The following TMC3 variants were observed in gnomAD, a reference collection of about 807,000 sequenced individuals.
The protein encoded by TMC3 is transmembrane channel-like protein 3.
In TMC3, 98 loss-of-function variants were observed where a neutral mutation model predicts 110.6. The ratio of observed to expected loss-of-function variants is 0.89; its 90% CI spans 0.75 to 1.05. TMC3 has a LOEUF of 1.05. Among genes scored for constraint, TMC3 ranks in the 50% least tolerant of loss-of-function variants. The pLI is 0.00. For synonymous variants in TMC3, 489 were observed against 513.1 expected, an observed-to-expected ratio of 0.95 and a Z score of 0.63; for missense variants, 1,319 against 1,373.2, an observed-to-expected ratio of 0.96 and a Z score of 0.62.
chr15:81,372,870 CGTGT>C lies in TMC3; in HGVS notation c.90-137_90-134del, dbSNP rs58420711. On this transcript the variant is annotated intron_variant, in intron 1 of 21. Coordinates refer to ENST00000359440, the MANE Select transcript of TMC3 (RefSeq NM_001080532.3). ...TGTATGAAATGTGTATGTGTTTGTG[CGTGT>C]GTGTGTGTGTGTGTGTGTGTGTGTA... 8.0e-3 allele frequency: 4,418 copies of C among 553,730 alleles called. 18 individuals carry two copies. The highest frequency in any genetic ancestry group is 0.022 in the African/African-American group (1,194 of 53,326). 34.3% of individuals were successfully genotyped at this position (553,730 alleles called of 1,614,324 possible).
Position 81,367,343 on chromosome 15 carries a change from G to A in TMC3, c.312+910C>T, listed in dbSNP as rs535063416. Among the ~76,000 whole-genome samples, 204 of 152,182 alleles carry A rather than the reference G, an allele frequency of 1.3e-3. 1 individual carries two copies. The highest frequency in any genetic ancestry group is 4.6e-3 in the African/African-American group (192 of 41,552). ...GTGAAAAAAGAGGCAAGACAAAAAT[G>A]TATATACACTACAGTTATGGTATGA... On this transcript the variant is annotated intron_variant, in intron 3 of 21. Transcript: ENST00000359440.
chr15:81,364,700 CAAAAA>C (rs71153571), intron 3 of TMC3, among the ~76,000 whole-genome samples: 1 of 110,328 alleles, frequency 9.1e-6, no homozygotes, highest in African/African-American at 3.0e-5. Flanking sequence ...AACATTATTC[CAAAAA>C]AAAAAAAATA....
chr15:81,374,190 T>A lies in TMC3; in HGVS notation c.-113A>T. ...AAGCAGCGGAGTTTGCTCTGCCCGCTAGTTCTCAGGAAGAAGACTGTGTGC... is the reference window on the plus strand; with the variant it reads ...AAGCAGCGGAGTTTGCTCTGCCCGCAAGTTCTCAGGAAGAAGACTGTGTGC... On this transcript the variant is annotated 5_prime_UTR_variant, in exon 1 of 22. Transcript: ENST00000359440. 2.4e-6 allele frequency: 2 copies of A among 823,266 alleles called. No individual in the cohort carries two copies. Among genetic ancestry groups the A allele is most frequent in the South Asian group, 3.0e-5 (2 of 67,158 alleles). 51.0% of individuals were successfully genotyped at this position (823,266 alleles called of 1,614,324 possible).
chr15:81,359,602 C>G (rs1473675035), intron 4 of TMC3, 131 bp from the exon 5 acceptor site: 2 of 609,866 alleles, frequency 3.3e-6, no homozygotes, highest in Admixed American at 3.5e-5. Flanking sequence ...TTGTACCAAT[C>G]GAGGTGTTCC....
intron 3 of TMC3, among the ~76,000 whole-genome samples, chr15:81,367,393 G>A (rs1291175997): frequency 2.6e-5 from 4 of 152,170 alleles, no homozygotes; most frequent in Non-Finnish European, 4.4e-5. Context: ...TGACTGATGT[G>A]AAATTTCTAA....
intron 7 of TMC3, among the ~76,000 whole-genome samples, 163 bp downstream of exon 7, chr15:81,357,986 T>G (rs1405724799): frequency 1.3e-5 from 2 of 152,180 alleles, no homozygotes; most frequent in African/African-American, 4.8e-5. Flanking sequence ...TACAGGGCTA[T>G]TGACAAGATT....
chr15:81,345,001 G>C lies in TMC3; in HGVS notation c.1283C>G (p.Thr428Ser). The change falls in exon 13 of 22, where the codon ACC becomes AGC. Residue 428 changes from threonine to serine, a missense_variant. Thr to Ser is a moderately conservative substitution (Grantham distance 58, BLOSUM62 1). Coordinates refer to ENST00000359440, the MANE Select transcript of TMC3 (RefSeq NM_001080532.3). The stretch of plus-strand genomic sequence containing the variant: ...TATCCAATGACTTGTGTTATTTTTG[G>C]TAGCCATTTCCTGGGGAGAGAGAGA... The part of the protein sequence containing the change: ...VNSMSIEEMA[T>S]KNNTSHWIDS... 2 of 1,575,062 alleles carry C rather than the reference G, an allele frequency of 1.3e-6. No individual in the cohort carries two copies. The highest frequency in any genetic ancestry group is 1.7e-6 in the Non-Finnish European group (2 of 1,159,676).
Position 81,339,255 on chromosome 15 carries a change from T to C in TMC3, c.1955+139A>G, listed in dbSNP as rs536022272. 5.3e-4 allele frequency: 357 copies of C among 672,660 alleles called. 2 individuals are homozygous for C. The African/African-American group carries it at 5.7e-3, about 11-fold the overall frequency. The allele number at this position is 672,660 out of a possible 1,614,324, so 41.7% of individuals were successfully genotyped here. On this transcript the variant is annotated intron_variant, in intron 17 of 21. Transcript: ENST00000359440. ...TTCTATTAAGGAAAGAGCCCTGGTCTTGGATTTAAAACATGCGGGTTTGCA... is the reference window on the plus strand; with the variant it reads ...TTCTATTAAGGAAAGAGCCCTGGTCCTGGATTTAAAACATGCGGGTTTGCA...
rs1345794628 is a variant in TMC3, at chr15:81,332,970, C to T, written c.2752G>A (p.Val918Met). 1 of 1,612,650 alleles carries T rather than the reference C, an allele frequency of 6.2e-7. No individual in the cohort carries two copies. Among genetic ancestry groups the T allele is most frequent in the Non-Finnish European group, 8.5e-7 (1 of 1,179,252 alleles). ...HFKIDASGDI[V>M]ELYPRNVRQY... The stretch of plus-strand genomic sequence containing the variant: ...CGCACGTTCCTGGGGTACAGCTCCA[C>T]AATGTCACCTGAAGCATCTATCTTG... Residue 918 changes from valine to methionine, a missense_variant, in exon 22 of 22, where the codon GTG (valine) becomes ATG (methionine). Val to Met is a conservative substitution (Grantham distance 21). Coordinates refer to ENST00000359440, the MANE Select transcript of TMC3 (RefSeq NM_001080532.3).
chr15:81,338,127 TC>T (rs2141692998), intron 18 of TMC3, among the ~76,000 whole-genome samples: 1 of 152,286 alleles, frequency 6.6e-6, no homozygotes, highest in Non-Finnish European at 1.5e-5. Flanking sequence ...TGTTTTCTCT[TC>T]CTGGCTTTCC....
chr15:81,354,017 TAGTG>T (rs1894006552), intron 9 of TMC3, among the ~76,000 whole-genome samples: 1 of 152,212 alleles, frequency 6.6e-6, no homozygotes, highest in African/African-American at 2.4e-5. Flanking sequence ...ATGCCTCTGA[TAGTG>T]AGGGCAGGTG....
chr15:81,368,657 G>A (rs1369289642), intron 2 of TMC3, among the ~76,000 whole-genome samples: 1 of 152,148 alleles, frequency 6.6e-6, no homozygotes. Context: ...AAATCCTGGT[G>A]GCAGACACGT....
In TMC3 at chr15:81,355,738, T is replaced by G. The variant is rs774984574; in HGVS notation, c.922A>C (p.Lys308Gln). The change falls in exon 9 of 22, where the codon AAA becomes CAA. Residue 308 changes from lysine (K) to glutamine (Q), a missense_variant. Transcript: ENST00000359440. ...EAILEEQEKK[K>Q]SKNLAVTICL... is the part of the protein sequence containing the mutation. ...AATAATACCTACAGGTTTTTGCTTT[T>G]CTTTTTCTCCTGTTCTTCCAATATA... 3.8e-6 allele frequency: 6 copies of G among 1,598,640 alleles called. No homozygotes were observed. Among genetic ancestry groups the G allele is most frequent in the Middle Eastern group, 3.3e-4 (2 of 5,998 alleles).
intron 10 of TMC3, among the ~76,000 whole-genome samples, chr15:81,350,376 T>C (rs1893921893): frequency 6.6e-6 from 1 of 152,220 alleles, no homozygotes; most frequent in Non-Finnish European, 1.5e-5. Flanking sequence ...TGAGAGGTAA[T>C]GTAATATTCT....
At chr15:81,349,410 G>T in intron 11 of TMC3, 48 bp downstream of exon 11, 1 of 1,242,218 alleles carries the variant, frequency 8.1e-7, no homozygotes, top group Non-Finnish European at 1.1e-6. Context: ...ACTGTGGGTG[G>T]GCACATGGGT....
At chr15:81,360,711 A>T (rs1245154879) in intron 4 of TMC3, among the ~76,000 whole-genome samples, 1 of 152,092 alleles carries the variant, frequency 6.6e-6, no homozygotes, top group African/African-American at 2.4e-5. Flanking sequence ...TGCACCACTG[A>T]GTTGGTCCCA....
At chr15:81,369,537 A>G (rs1894389211) in intron 2 of TMC3, among the ~76,000 whole-genome samples, 1 of 152,166 alleles carries the variant, frequency 6.6e-6, no homozygotes, top group Non-Finnish European at 1.5e-5. Flanking sequence ...TTCATTTTAT[A>G]TCCTTATTTA....
Position 81,374,201 on chromosome 15 carries a change from A to G in TMC3, c.-124T>C. On this transcript the variant is annotated 5_prime_UTR_variant, in exon 1 of 22. Transcript: ENST00000359440. ...TTTGCTCTGCCCGCTAGTTCTCAGG[A>G]AGAAGACTGTGTGCTTGCAGCTGGT... 1.3e-6 allele frequency: 1 copy of G among 768,604 alleles called. No homozygotes were observed. The allele number at this position is 768,604 out of a possible 1,614,324, so 47.6% of individuals were successfully genotyped here. A position where few individuals can be genotyped will look rare whatever the true frequency, so the allele number is the denominator to read the frequency against.
At chr15:81,367,322 A>C (rs1461777895) in intron 3 of TMC3, among the ~76,000 whole-genome samples, 1 of 152,196 alleles carries the variant, frequency 6.6e-6, no homozygotes, top group Non-Finnish European at 1.5e-5. Context: ...TGTTATGTGA[A>C]AAAAGAGGCA....
Sources: gnomAD v4.1 joint callset for allele counts (sites outside exome capture counted in the v4.1 genomes callset) on GRCh38, gnomAD v4.1.1 for gene constraint, MANE v1.5 for transcripts, NCBI Gene and HGNC (gene_info 2026-07-23, HGNC 2026-07-21) for gene names.